Variants in PPM1H observed in about 807,000 individuals in gnomAD.
PPM1H encodes protein phosphatase 1H.
A neutral mutation model predicts 54.9 loss-of-function variants in PPM1H; 27 were observed. The observed-to-expected ratio is 0.49, with a 90% CI of 0.36 to 0.68. The LOEUF is 0.68. Among genes scored for constraint, PPM1H ranks in the 30% least tolerant of loss-of-function variants. The pLI is 0.00. For missense variants in PPM1H, 596 were observed against 667.8 expected (o/e 0.89, Z 1.19); for synonymous variants, 305 against 270.8 (o/e 1.13, Z -1.24).
intron 5 of PPM1H, among the ~76,000 whole-genome samples, chr12:62,731,460 A>C (rs1193241732): frequency 6.6e-6 from 1 of 152,184 alleles, no homozygotes; most frequent in East Asian, 1.9e-4. Flanking sequence ...CCTGTCTTCA[A>C]AGCAGGTTCA....
At chr12:62,704,097 T>A (rs938086568) in intron 6 of PPM1H, among the ~76,000 whole-genome samples, 1 of 152,172 alleles carries the variant, frequency 6.6e-6, no homozygotes, top group Non-Finnish European at 1.5e-5. Flanking sequence ...AGAGTCTTTT[T>A]TTCCCGGTTT....
Position 62,685,014 on chromosome 12 carries a change from A to G in PPM1H, c.1245+4685T>C, listed in dbSNP as rs539709166. ...CTTCCGCTTCCCTTCTAACAGTTCC[A>G]CCCCCTCCCCCCGCCACCCCTTCCT... On this transcript the variant is annotated intron_variant, in intron 8 of 9. Coordinates refer to ENST00000228705, the MANE Select transcript of PPM1H (RefSeq NM_020700.2). Among the ~76,000 whole-genome samples the G allele has an allele frequency of 7.9e-4, 118 of 148,800 alleles. 1 individual carries two copies. Among genetic ancestry groups the G allele is most frequent in the Middle Eastern group, 3.4e-3 (1 of 290 alleles).
chr12:62,841,868 A>G (rs1434882102), intron 1 of PPM1H, among the ~76,000 whole-genome samples: 2 of 152,226 alleles, frequency 1.3e-5, no homozygotes, highest in Non-Finnish European at 2.9e-5. Context: ...CCCCATAAAT[A>G]TCAGCGTTTT....
intron 9 of PPM1H, among the ~76,000 whole-genome samples, chr12:62,662,491 G>A (rs1349928105): frequency 3.3e-5 from 5 of 152,154 alleles, no homozygotes; most frequent in Admixed American, 2.0e-4. Context: ...AAATATGTGA[G>A]ACATAACAAC....
At chr12:62,707,908 A>G (rs1263898124) in intron 6 of PPM1H, among the ~76,000 whole-genome samples, 1 of 152,150 alleles carries the variant, frequency 6.6e-6, no homozygotes, top group East Asian at 1.9e-4. Context: ...ATAGCATCTG[A>G]TCTACCCTGG....
At chr12:62,791,070 GAAAT>G (rs1157774861) in intron 3 of PPM1H, among the ~76,000 whole-genome samples, 1 of 152,046 alleles carries the variant, frequency 6.6e-6, no homozygotes, top group Non-Finnish European at 1.5e-5. Context: ...GACAAATGAA[GAAAT>G]AAATTTTAAA....
chr12:62,708,078 A>T lies in PPM1H; in HGVS notation c.1073+12093T>A, dbSNP rs1418013685. The stretch of plus-strand genomic sequence containing the variant: ...TTTCCTTATGATCTGATTACAACAA[A>T]GGAGAGAGGCAACTGACAACACACT... On this transcript the variant is annotated intron_variant, in intron 6 of 9. Coordinates refer to ENST00000228705, the MANE Select transcript of PPM1H (RefSeq NM_020700.2). 2.0e-5 allele frequency among the ~76,000 whole-genome samples: 3 copies of T among 152,228 alleles called. No homozygotes were observed. In the East Asian group the frequency reaches 5.8e-4, roughly 29 times the overall value.
At chr12:62,654,199 CAG>C (rs1168206970) in intron 9 of PPM1H, among the ~76,000 whole-genome samples, 2 of 109,816 alleles carry the variant, frequency 1.8e-5, no homozygotes, top group Admixed American at 1.4e-4. Flanking sequence ...ATCTGGGTGA[CAG>C]AGAGAGACTC....
Position 62,934,120 on chromosome 12 carries a change from T to TG in PPM1H, c.245+371dup. ...GGGCGTCAACTATATTTTGGGAGGG[T>TG]GGGGGTACAGATAGCAGATTTTCCT... On this transcript the variant is annotated intron_variant, in intron 1 of 9. Coordinates refer to ENST00000228705, the MANE Select transcript of PPM1H (RefSeq NM_020700.2). This position sits in a 1 kb window ranked among gnomAD's most constrained non-coding sequence, Gnocchi z 4.2. 1 of 188,416 alleles carries TG rather than the reference T, an allele frequency of 5.3e-6. No homozygotes were observed. Among genetic ancestry groups the TG allele is most frequent in the East Asian group, 1.4e-4 (1 of 7,232 alleles). 11.7% of individuals were successfully genotyped at this position (188,416 alleles called of 1,614,324 possible).
At chr12:62,856,062 C>G (rs942181920) in intron 1 of PPM1H, among the ~76,000 whole-genome samples, 1 of 152,214 alleles carries the variant, frequency 6.6e-6, no homozygotes, top group African/African-American at 2.4e-5. Context: ...TGTGCAAGCA[C>G]TGGGTACTGT....
At chr12:62,832,376 C>A in intron 1 of PPM1H, 97 bp from the exon 2 acceptor site, 1 of 1,161,822 alleles carries the variant, frequency 8.6e-7, no homozygotes. Context: ...TACAACTGGC[C>A]CAGAACTACA....
chr12:62,858,450 T>TTTGTTG (rs1027576973), intron 1 of PPM1H, among the ~76,000 whole-genome samples: 3 of 102,538 alleles, frequency 2.9e-5, no homozygotes, highest in Non-Finnish European at 5.4e-5. Flanking sequence ...AAATGCTTTT[T>TTTGTTG]TTGTTGTTGT....
chr12:62,866,185 A>G (rs1473348090), intron 1 of PPM1H, among the ~76,000 whole-genome samples: 6 of 152,166 alleles, frequency 3.9e-5, no homozygotes. Flanking sequence ...CCTTGATCTC[A>G]GCAGGGCTCC....
chr12:62,781,531 T>C (rs7134005), intron 4 of PPM1H, among the ~76,000 whole-genome samples: 19,566 of 152,168 alleles, frequency 0.13, 1,606 homozygotes, highest in African/African-American at 0.23. Flanking sequence ...TGCCCAGGGG[T>C]AGACTTTAGA....
chr12:62,877,768 C>G (rs1362696145), intron 1 of PPM1H, among the ~76,000 whole-genome samples: 1 of 152,172 alleles, frequency 6.6e-6, no homozygotes, highest in African/African-American at 2.4e-5. Flanking sequence ...ACCAGGAGAA[C>G]ACACAGGAAT....
intron 1 of PPM1H, among the ~76,000 whole-genome samples, chr12:62,887,595 A>T (rs1870637062): frequency 1.3e-5 from 2 of 152,218 alleles, no homozygotes; most frequent in African/African-American, 4.8e-5. Context: ...TCAGACAGCC[A>T]AGGACCCTGC....
At chr12:62,896,670 A>G (rs10877923) in intron 1 of PPM1H, among the ~76,000 whole-genome samples, 52,452 of 152,030 alleles carry the variant, frequency 0.35, 9,471 homozygotes, top group East Asian at 0.55. Flanking sequence ...AACTAGTTCA[A>G]CCATTGTGGA....
intron 1 of PPM1H, among the ~76,000 whole-genome samples, chr12:62,862,953 G>A (rs778988613): frequency 2.6e-5 from 4 of 152,084 alleles, no homozygotes; most frequent in Non-Finnish European, 5.9e-5. Context: ...ATAACCCTAA[G>A]AATCACTCAA....
chr12:62,671,364 C>T (rs891674757), intron 8 of PPM1H, among the ~76,000 whole-genome samples: 2 of 151,992 alleles, frequency 1.3e-5, no homozygotes, highest in South Asian at 2.1e-4. Context: ...AAAAGCCAGA[C>T]GAATCCTTGA....
Sources: gnomAD v4.1 joint callset for allele counts (sites outside exome capture counted in the v4.1 genomes callset) on GRCh38, gnomAD v4.1.1 for gene constraint, Gnocchi (gnomAD v3.1) non-coding constraint, MANE v1.5 for transcripts, NCBI Gene and HGNC (gene_info 2026-07-23, HGNC 2026-07-21) for gene names.